CHPF: variants seen among roughly 807,000 people sequenced by gnomAD.
CHPF encodes the protein chondroitin polymerizing factor, non-catalytic subunit.
In CHPF, 34 loss-of-function variants were observed where a neutral mutation model predicts 55.1. The ratio of observed to expected loss-of-function variants is 0.62; its 90% CI spans 0.47 to 0.82. CHPF has a LOEUF of 0.82. Ranked by LOEUF, CHPF falls within the 40% of genes least tolerant of loss-of-function variation. CHPF has a pLI of 0.00. For synonymous variants in CHPF, 489 were observed against 496.6 expected (o/e 0.98, Z 0.20); for missense variants, 961 against 1,106.1 (o/e 0.87, Z 1.86).
Position 219,543,657 on chromosome 2 carries a change from C to T in CHPF, c.-119G>A, listed in dbSNP as rs1419355260. The T allele has an allele frequency of 1.4e-6, 1 of 697,668 alleles. No homozygotes were observed. Among genetic ancestry groups the T allele is most frequent in the Non-Finnish European group, 2.1e-6 (1 of 485,994 alleles). The allele number at this position is 697,668 out of a possible 1,614,324, so 43.2% of individuals were successfully genotyped here. A position where few individuals can be genotyped will look rare whatever the true frequency, so the allele number is the denominator to read the frequency against. On this transcript the variant is annotated 5_prime_UTR_variant, in exon 1 of 4. Coordinates refer to ENST00000243776, the MANE Select transcript of CHPF (RefSeq NM_024536.6). ...AGGGCTCGGGCCCCGCGGGCGGGCC[C>T]GCTCCCTCCCCGCAGAGCAGAGCCA...
At chr2:219,541,522 TG>T in intron 2 of CHPF, 93 bp downstream of exon 2, 1 of 1,048,980 alleles carries the variant, frequency 9.5e-7, no homozygotes, top group Admixed American at 3.3e-5. Flanking sequence ...CGAATTGGCA[TG>T]GAAAAGCAGA....
rs1305453421 is a variant in CHPF, at chr2:219,539,315, G to A, written c.*68C>T. 3 of 1,462,074 alleles carry A rather than the reference G, an allele frequency of 2.1e-6. No individual in the cohort carries two copies. Among genetic ancestry groups the A allele is most frequent in the Non-Finnish European group, 2.8e-6 (3 of 1,087,206 alleles). The allele number at this position is 1,462,074 out of a possible 1,614,324, so 90.6% of individuals were successfully genotyped here. A position where few individuals can be genotyped will look rare whatever the true frequency, so the allele number is the denominator to read the frequency against. On this transcript the variant is annotated 3_prime_UTR_variant, in exon 4 of 4. Transcript: ENST00000243776. ...GCCCTGCCCAGCGAGGCTGGCAGGT[G>A]GCTCTGGTTTTGGGGGAGAAGTGGG... is the stretch of plus-strand genomic sequence containing the variant.
Position 219,541,055 on chromosome 2 carries a change from C to T in CHPF, c.959G>A (p.Ser320Asn). ...PVQEGDPHFR[S>N]ALTAHPVRDP... ...ACGCACAGGGTGGGCTGTCAGGGCA[C>T]TTCGGAAATGAGGGTCCCCCTCCTG... The change falls in exon 3 of 4, where the codon AGT becomes AAT. Residue 320 changes from serine (S) to asparagine (N), a missense_variant. By Grantham distance (46) the Ser-to-Asn change is conservative (BLOSUM62 1). Around this residue, in one of 3 missense-constraint regions of CHPF, gnomAD observed 936 missense variants for 1,058.4 expected, o/e 0.88. Transcript: ENST00000243776. 1.2e-6 allele frequency: 2 copies of T among 1,613,686 alleles called. No individual in the cohort carries two copies. The highest frequency in any genetic ancestry group is 1.7e-6 in the Non-Finnish European group (2 of 1,179,818).
At chr2:219,542,860 T>G in intron 1 of CHPF, 1 of 1,045,158 alleles carries the variant, frequency 9.6e-7, no homozygotes. Flanking sequence ...GAACAAGAGA[T>G]CCAGGTAAAT....
In CHPF at chr2:219,539,471, C is replaced by G; in HGVS notation, c.2240G>C (p.Arg747Pro). The G allele has an allele frequency of 6.2e-7, 1 of 1,613,562 alleles. No homozygotes were observed. Among genetic ancestry groups the G allele is most frequent in the East Asian group, 2.2e-5 (1 of 44,868 alleles). ...GCCCTCAAGCACGCTCTGGAGGCAGCGGTGGTACAGGTCCTCACTGAGCCT... is the reference window on the plus strand; with the variant it reads ...GCCCTCAAGCACGCTCTGGAGGCAGGGGTGGTACAGGTCCTCACTGAGCCT... ...SARLSEDLYH[R>P]CLQSVLEGLG... The change falls in exon 4 of 4, where the codon CGC becomes CCC. Residue 747 changes from arginine (R) to proline (P), a missense_variant. Physicochemically the swap from Arg to Pro is moderately radical, Grantham distance 103 (BLOSUM62 -2). Coordinates refer to ENST00000243776, the MANE Select transcript of CHPF (RefSeq NM_024536.6).
Position 219,540,582 on chromosome 2 carries a change from C to G in CHPF, c.1129G>C (p.Val377Leu). The change falls in exon 4 of 4, where the codon GTG (valine) becomes CTG (leucine). Residue 377 changes from valine to leucine, a missense_variant. Transcript: ENST00000243776. ...GGGCGGGATGGTGCTGGAATACCCACGGGCCAAGCAGCTGCCTGGTCCCCA... is the reference window on the plus strand; with the variant it reads ...GGGCGGGATGGTGCTGGAATACCCAGGGGCCAAGCAGCTGCCTGGTCCCCA... ...VDGDQAAAWP[V>L]GIPAPSRPAS... is the part of the protein sequence containing the mutation. The G allele has an allele frequency of 6.2e-7, 1 of 1,612,934 alleles. No individual in the cohort carries two copies.
In CHPF at chr2:219,539,389, G is replaced by A; in HGVS notation, c.2322C>T (p.Ser774=). ...CCACGGGGACAGGGTGGGGTCAGGT[G>A]CTGTTGCCCTGCTCCTGTTCAAAGA... is the stretch of plus-strand genomic sequence containing the variant. The part of the protein sequence containing the change: ...MLLFEQEQGN[S]T The change falls in exon 4 of 4, where the codon AGC becomes AGT. Residue 774 remains serine, a synonymous_variant. Transcript: ENST00000243776. 1 of 1,596,172 alleles carries A rather than the reference G, an allele frequency of 6.3e-7. No individual in the cohort carries two copies. Among genetic ancestry groups the A allele is most frequent in the East Asian group, 2.3e-5 (1 of 44,442 alleles).
Position 219,543,233 on chromosome 2 carries a change from C to A in CHPF, c.306G>T (p.Lys102Asn). 6.4e-7 allele frequency: 1 copy of A among 1,554,570 alleles called. No homozygotes were observed. Among genetic ancestry groups the A allele is most frequent in the South Asian group, 1.2e-5 (1 of 86,308 alleles). ...HPAQPGQAAKKAVRTRYISTE... is the reference protein window; with the variant it reads ...HPAQPGQAAKNAVRTRYISTE... Reference sequence around the variant, plus strand: ...GCGCAGCCGATCACTACCTGACGGCCTTTTTGGCGGCCTGGCCGGGCTGTG... The same window carrying A: ...GCGCAGCCGATCACTACCTGACGGCATTTTTGGCGGCCTGGCCGGGCTGTG... The change falls in exon 1 of 4, where the codon AAG becomes AAT. Residue 102 changes from lysine to asparagine, a missense_variant. Around this residue, in one of 3 missense-constraint regions of CHPF, gnomAD observed 936 missense variants for 1,058.4 expected, o/e 0.88. Transcript: ENST00000243776.
chr2:219,543,255 T>A lies in CHPF; in HGVS notation c.284A>T (p.Gln95Leu). The A allele has an allele frequency of 6.4e-7, 1 of 1,562,876 alleles. No individual in the cohort carries two copies. The highest frequency in any genetic ancestry group is 8.6e-7 in the Non-Finnish European group (1 of 1,164,338). ...EPRVLPYHPA[Q>L]PGQAAKKAVR... is the part of the protein sequence containing the mutation. The stretch of plus-strand genomic sequence containing the variant: ...GGCCTTTTTGGCGGCCTGGCCGGGC[T>A]GTGCAGGGTGGTAGGGCAAGACGCG... The change falls in exon 1 of 4, where the codon CAG becomes CTG. Residue 95 changes from glutamine (Q) to leucine (L), a missense_variant. Around this residue, in one of 3 missense-constraint regions of CHPF, gnomAD observed 936 missense variants for 1,058.4 expected, o/e 0.88. Transcript: ENST00000243776.
At chr2:219,543,036 G>C (rs897388355) in intron 1 of CHPF, 189 bp downstream of exon 1, 22 of 1,356,318 alleles carry the variant, frequency 1.6e-5, no homozygotes, top group Non-Finnish European at 2.1e-5. Context: ...GGCCGGGATA[G>C]GGCCCAGAGA....
chr2:219,542,979 C>T, intron 1 of CHPF: 4 of 1,290,618 alleles, frequency 3.1e-6, no homozygotes, highest in Non-Finnish European at 3.9e-6. Flanking sequence ...CTCTGGGGCG[C>T]CATCGGGTCG....
chr2:219,540,463 C>T lies in CHPF; in HGVS notation c.1248G>A (p.Gly416=), dbSNP rs1695245692. 6.2e-7 allele frequency: 1 copy of T among 1,613,878 alleles called. No homozygotes were observed. The highest frequency in any genetic ancestry group is 1.1e-5 in the South Asian group (1 of 91,084). ...ADGSPRCPLR[G]ADRADVADVL... ...CATCGGCCACATCAGCCCGGTCAGCCCCACGCAGTGGGCAGCGGGGTGAGC... is the reference window on the plus strand; with the variant it reads ...CATCGGCCACATCAGCCCGGTCAGCTCCACGCAGTGGGCAGCGGGGTGAGC... The change falls in exon 4 of 4, where the codon GGG becomes GGA. Residue 416 remains glycine (G), a synonymous_variant. Coordinates refer to ENST00000243776, the MANE Select transcript of CHPF (RefSeq NM_024536.6).
chr2:219,539,953 A>G lies in CHPF; in HGVS notation c.1758T>C (p.Ser586=). 1.9e-6 allele frequency: 3 copies of G among 1,613,772 alleles called. No individual in the cohort carries two copies. The highest frequency in any genetic ancestry group is 2.5e-6 in the Non-Finnish European group (3 of 1,179,964). Residue 586 remains serine (S), a synonymous_variant, in exon 4 of 4, where the codon AGT becomes AGC. Coordinates refer to ENST00000243776, the MANE Select transcript of CHPF (RefSeq NM_024536.6). ...RFPGARVPWL[S]VQTAAPSPLR... ...GTGGTGAGGGTGCGGCTGTCTGCAC[A>G]CTGAGCCATGGCACCCGGGCACCGG...
In CHPF at chr2:219,541,640, C is replaced by A; in HGVS notation, c.864G>T (p.Gly288=). The A allele has an allele frequency of 6.3e-7, 1 of 1,589,096 alleles. No individual in the cohort carries two copies. Among genetic ancestry groups the A allele is most frequent in the South Asian group, 1.1e-5 (1 of 87,500 alleles). The part of the protein sequence containing the change: ...WLGRCILDAT[G]VGCTGDHEGV... ...CCTCGTGGTCACCAGTGCAGCCCACCCCGGTGGCATCGAGAATGCAGCGAC... is the reference window on the plus strand; with the variant it reads ...CCTCGTGGTCACCAGTGCAGCCCACACCGGTGGCATCGAGAATGCAGCGAC... The change falls in exon 2 of 4, where the codon GGG becomes GGT. Residue 288 remains glycine (G), a synonymous_variant. Transcript: ENST00000243776.
intron 3 of CHPF, 47 bp from the exon 4 acceptor site, chr2:219,540,689 C>T: frequency 6.6e-7 from 1 of 1,513,018 alleles, no homozygotes. Flanking sequence ...TTACAGGGAG[C>T]AGCACACAGC....
At chr2:219,542,970 T>G in intron 1 of CHPF, 2 of 1,287,006 alleles carry the variant, frequency 1.6e-6, no homozygotes, top group Non-Finnish European at 2.0e-6. Context: ...TAGTAGGATC[T>G]CTGGGGCGCC....
intron 3 of CHPF, 58 bp downstream of exon 3, chr2:219,540,884 GCTCT>G (rs762054231): frequency 1.4e-5 from 22 of 1,576,272 alleles, no homozygotes; most frequent in Non-Finnish European, 1.9e-5. Flanking sequence ...ATTTCTCTGG[GCTCT>G]CTGTGACTTC....
rs748482296 is a variant in CHPF at position 219,541,826 on chromosome 2, C to G, written c.678G>C (p.Leu226=). 1 of 1,608,694 alleles carries G rather than the reference C, an allele frequency of 6.2e-7. No individual in the cohort carries two copies. Among genetic ancestry groups the G allele is most frequent in the Non-Finnish European group, 8.5e-7 (1 of 1,177,500 alleles). Residue 226 remains leucine, a synonymous_variant, in exon 2 of 4, where the codon CTG becomes CTC. Transcript: ENST00000243776. ...CGCCGATGAAGTCCTGGGGCCGGCC[C>G]AGGTACAGGTGGGCGGCGGAGGCCA... is the stretch of plus-strand genomic sequence containing the variant. ...LSLASAAHLY[L]GRPQDFIGGE... is the part of the protein sequence containing the mutation.
In CHPF at chr2:219,543,612, C is replaced by G. The variant is rs953994831; in HGVS notation, c.-74G>C. 19 of 1,181,578 alleles carry G rather than the reference C, an allele frequency of 1.6e-5. No individual in the cohort carries two copies. Among genetic ancestry groups the G allele is most frequent in the Non-Finnish European group, 1.9e-5 (18 of 923,546 alleles). 73.2% of individuals were successfully genotyped at this position (1,181,578 alleles called of 1,614,324 possible). A position where few individuals can be genotyped will look rare whatever the true frequency, so the allele number is the denominator to read the frequency against. Reference sequence around the variant, plus strand: ...AGAGGAGTCTCCGAGGGGGCGGGACCGGGGAGGGGGCGGATCCGGAGGGCT... The same window carrying G: ...AGAGGAGTCTCCGAGGGGGCGGGACGGGGGAGGGGGCGGATCCGGAGGGCT... On this transcript the variant is annotated 5_prime_UTR_variant, in exon 1 of 4. Transcript: ENST00000243776.
Sources: allele counts gnomAD v4.1 joint callset, GRCh38; gene constraint gnomAD v4.1.1; regional missense constraint gnomAD v4.1.1; transcripts MANE v1.5; gene names NCBI Gene and HGNC (gene_info 2026-07-23, HGNC 2026-07-21).